Variants in KCNAB1 observed in about 807,000 individuals in gnomAD.
KCNAB1 encodes the protein voltage-gated potassium channel subunit beta-1.
A neutral mutation model predicts 64.6 loss-of-function variants in KCNAB1; 35 were observed. The observed-to-expected ratio is 0.54, with a 90% confidence interval of 0.41 to 0.72. The LOEUF (loss-of-function observed/expected upper bound fraction) is 0.72. Among genes scored for constraint, KCNAB1 ranks in the 30% least tolerant of loss-of-function variants. The probability of loss-of-function intolerance (pLI) is 0.00; values close to 1 mark genes in which losing one functional copy is unlikely to be tolerated. For synonymous variants in KCNAB1, 177 were observed against 183.8 expected (o/e 0.96, Z 0.30); for missense variants, 401 against 512.9 (o/e 0.78, Z 2.11).
At chr3:156,161,119 C>T (rs1716049705) in intron 1 of KCNAB1, among the ~76,000 whole-genome samples, 1 of 152,196 alleles carries the variant, frequency 6.6e-6, no homozygotes, top group Non-Finnish European at 1.5e-5. Context: ...TATCTCTTCA[C>T]TACAATTTAT....
chr3:156,256,259 C>G (rs1188512518), intron 1 of KCNAB1, among the ~76,000 whole-genome samples: 3 of 152,170 alleles, frequency 2.0e-5, no homozygotes, highest in Admixed American at 6.5e-5. Context: ...TGGCCTTTCT[C>G]TTCTATAATA....
chr3:156,187,439 A>G (rs1030036706), intron 1 of KCNAB1, among the ~76,000 whole-genome samples: 4 of 152,180 alleles, frequency 2.6e-5, no homozygotes, highest in African/African-American at 4.8e-5. Flanking sequence ...AGTCACTTCT[A>G]TTCAGCATGT....
At chr3:156,225,827 GC>G (rs1321800028) in intron 1 of KCNAB1, among the ~76,000 whole-genome samples, 1 of 152,040 alleles carries the variant, frequency 6.6e-6, no homozygotes, top group African/African-American at 2.4e-5. Flanking sequence ...CACGATAGCT[GC>G]AAAAAATAAT....
At chr3:156,406,467 T>G (rs1164256800) in intron 1 of KCNAB1, among the ~76,000 whole-genome samples, 1 of 152,044 alleles carries the variant, frequency 6.6e-6, no homozygotes, top group East Asian at 1.9e-4. Context: ...GTGGAAGAAG[T>G]CACCAGCTCT....
chr3:156,238,574 A>G (rs1458302222), intron 1 of KCNAB1, among the ~76,000 whole-genome samples: 3 of 152,208 alleles, frequency 2.0e-5, no homozygotes, highest in African/African-American at 7.2e-5. Flanking sequence ...AATTCAAATG[A>G]TTCTACAATT....
At position 156,197,958 on chromosome 3, in the gene KCNAB1, A is replaced by G. The variant is rs561181279; in HGVS notation, c.275+77072A>G. On this transcript the variant is annotated intron_variant, in intron 1 of 13. Coordinates refer to ENST00000490337, the MANE Select transcript of KCNAB1 (RefSeq NM_172160.3). ...TATATTTCCGTCTTAACACTGCTTA[A>G]CTGTGTCCCAGAGATTCTGGTACAT... 4.6e-5 allele frequency among the ~76,000 whole-genome samples: 7 copies of G among 152,300 alleles called. No individual in the cohort carries two copies. The East Asian group carries it at 1.4e-3, about 29-fold the overall frequency.
At chr3:156,342,191 T>C (rs1724165094) in intron 1 of KCNAB1, among the ~76,000 whole-genome samples, 1 of 152,350 alleles carries the variant, frequency 6.6e-6, no homozygotes, top group South Asian at 2.1e-4. Flanking sequence ...TCCTTTCACT[T>C]CTGCATTTCT....
At position 156,205,429 on chromosome 3, in the gene KCNAB1, G is replaced by A. The variant is rs368248335; in HGVS notation, c.275+84543G>A. Among the ~76,000 whole-genome samples, 24 of 152,312 alleles carry A rather than the reference G, an allele frequency of 1.6e-4. No individual in the cohort carries two copies. The South Asian group carries it at 4.6e-3, about 29-fold the overall frequency. On this transcript the variant is annotated intron_variant, in intron 1 of 13. Coordinates refer to ENST00000490337, the MANE Select transcript of KCNAB1 (RefSeq NM_172160.3). Reference sequence around the variant, plus strand: ...AATTAAGCCAGTGGAAGCTTCAGGTGTAATAGAATTTGATGGCGTTAATAA... The same window carrying A: ...AATTAAGCCAGTGGAAGCTTCAGGTATAATAGAATTTGATGGCGTTAATAA...
chr3:156,287,386 C>A (rs1174501940), intron 1 of KCNAB1, among the ~76,000 whole-genome samples: 1 of 148,886 alleles, frequency 6.7e-6, no homozygotes, highest in Non-Finnish European at 1.5e-5. Flanking sequence ...AGGGCGTCCA[C>A]AAAACAAGAG....
intron 1 of KCNAB1, among the ~76,000 whole-genome samples, chr3:156,405,546 A>C (rs553734657): frequency 1.1e-4 from 17 of 152,354 alleles, no homozygotes; most frequent in African/African-American, 3.8e-4. Context: ...AGTTTAGAAA[A>C]CATAAGTATG....
intron 11 of KCNAB1, among the ~76,000 whole-genome samples, chr3:156,521,999 GTA>G (rs759920740): frequency 6.8e-6 from 1 of 146,374 alleles, no homozygotes; most frequent in Non-Finnish European, 1.5e-5. Context: ...AAAATGGTGT[GTA>G]TGTGTGTGTC....
downstream of KCNAB1, chr3:156,539,127 A>T (rs1310228767): frequency 6.6e-6 from 1 of 152,212 alleles, no homozygotes; most frequent in Non-Finnish European, 1.5e-5. Flanking sequence ...CTATCATTCC[A>T]AAAGGTAACC....
chr3:156,391,501 TAA>T, intron 1 of KCNAB1, among the ~76,000 whole-genome samples: 1 of 152,184 alleles, frequency 6.6e-6, no homozygotes, highest in Non-Finnish European at 1.5e-5. Flanking sequence ...TTAAGAGAGC[TAA>T]AATAACTTCC....
In KCNAB1 at chr3:156,536,825, C is replaced by A; in HGVS notation, c.*78C>A. On this transcript the variant is annotated 3_prime_UTR_variant, in exon 14 of 14. Transcript: ENST00000490337. ...GTACAGAAAGGTGTTACTAACCAGT[C>A]TTTTGAATCACTTAGCAGCTTGCTG... 1 of 991,130 alleles carries A rather than the reference C, an allele frequency of 1.0e-6. No homozygotes were observed. The highest frequency in any genetic ancestry group is 1.6e-6 in the Non-Finnish European group (1 of 621,310). 61.4% of individuals were successfully genotyped at this position (991,130 alleles called of 1,614,324 possible). A position where few individuals can be genotyped will look rare whatever the true frequency, so the allele number is the denominator to read the frequency against.
chr3:156,135,524 T>C (rs1714292327), intron 1 of KCNAB1, among the ~76,000 whole-genome samples: 1 of 152,218 alleles, frequency 6.6e-6, no homozygotes, highest in African/African-American at 2.4e-5. Flanking sequence ...ACAAGATAAT[T>C]AAATCAGTTT....
chr3:156,437,633 A>G (rs1716678157), intron 2 of KCNAB1, among the ~76,000 whole-genome samples: 1 of 152,090 alleles, frequency 6.6e-6, no homozygotes, highest in East Asian at 1.9e-4. Context: ...TTTATTTCAC[A>G]TTTAAAAAAA....
intron 1 of KCNAB1, among the ~76,000 whole-genome samples, chr3:156,160,942 C>T (rs902018590): frequency 6.6e-6 from 1 of 152,220 alleles, no homozygotes; most frequent in Admixed American, 6.5e-5. Context: ...GCTGTAGCTG[C>T]TTTTGGCTCT....
chr3:156,421,723 G>A (rs906262870), intron 2 of KCNAB1, 64 bp downstream of exon 2: 2 of 1,470,892 alleles, frequency 1.4e-6, no homozygotes, highest in Admixed American at 1.7e-5. Flanking sequence ...GGGCACCAGG[G>A]AGTGACTGTG....
intron 1 of KCNAB1, among the ~76,000 whole-genome samples, chr3:156,389,216 C>T (rs1244886928): frequency 3.9e-5 from 6 of 152,192 alleles, no homozygotes; most frequent in African/African-American, 1.4e-4. Context: ...TGGTCAGAAA[C>T]AAATGCAGCC....
Sources: gnomAD v4.1 joint callset for allele counts (sites outside exome capture counted in the v4.1 genomes callset) on GRCh38, gnomAD v4.1.1 for gene constraint, MANE v1.5 for transcripts, NCBI Gene and HGNC (gene_info 2026-07-23, HGNC 2026-07-21) for gene names.